Variants in POLE observed in about 807,000 individuals in gnomAD.
POLE encodes the protein DNA polymerase epsilon catalytic subunit A.
In POLE, 188 loss-of-function variants were observed where a neutral mutation model predicts 279.2. The observed-to-expected ratio is 0.67, with a 90% CI of 0.60 to 0.76. POLE has a LOEUF of 0.76. Ranked by LOEUF, POLE falls within the 30% of genes least tolerant of loss-of-function variation. POLE has a pLI of 0.00. For missense variants in POLE, 2,703 were observed against 3,016.7 expected, an observed-to-expected ratio of 0.90 and a Z score of 2.44; for synonymous variants, 1,214 against 1,172.5, an observed-to-expected ratio of 1.04 and a Z score of -0.72.
chr12:132,632,461 T>G lies in POLE; in HGVS notation c.6184A>C (p.Ser2062Arg). 1.2e-6 allele frequency: 2 copies of G among 1,614,154 alleles called. No individual in the cohort carries two copies. Among genetic ancestry groups the G allele is most frequent in the South Asian group, 1.1e-5 (1 of 91,072 alleles). Residue 2062 changes from serine (S) to arginine (R), a missense_variant, in exon 45 of 49, where the codon AGC becomes CGC. By Grantham distance (110) the Ser-to-Arg change is moderately radical. Coordinates refer to ENST00000320574, the MANE Select transcript of POLE (RefSeq NM_006231.4). ...QDYVANELTQ[S>R]FFTITQKIQK... Reference sequence around the variant, plus strand: ...ATCTTCTGAGTGATGGTGAAGAAGCTCTGAGTGAGCTCATTTGCGACATAA... The same window carrying G: ...ATCTTCTGAGTGATGGTGAAGAAGCGCTGAGTGAGCTCATTTGCGACATAA...
intron 12 of POLE, among the ~76,000 whole-genome samples, chr12:132,674,818 T>C (rs568342412): frequency 5.4e-4 from 81 of 150,858 alleles, no homozygotes; most frequent in Admixed American, 1.4e-3. Context: ...TCCATTCCCT[T>C]CCTTCCCTCC....
chr12:132,625,580 C>G (rs773560059), intron 47 of POLE, 65 bp downstream of exon 47: 1 of 1,591,426 alleles, frequency 6.3e-7, no homozygotes, highest in Non-Finnish European at 8.5e-7. Context: ...CCCCGGCTCC[C>G]GGGAGTGCAC....
chr12:132,661,211 G>A lies in POLE; in HGVS notation c.2865-47C>T, dbSNP rs762520107. ...AGCACAGCAGTGGCAAGGAGCGCTGGGGAGCCACCAGCTGTGCCTCATCCT... is the reference window on the plus strand; with the variant it reads ...AGCACAGCAGTGGCAAGGAGCGCTGAGGAGCCACCAGCTGTGCCTCATCCT... On this transcript the variant is annotated intron_variant, in intron 24 of 48. Transcript: ENST00000320574. The surrounding 1 kb of genome is among the most constrained non-coding windows in gnomAD (Gnocchi z 4.1). 1.3e-6 allele frequency: 2 copies of A among 1,513,262 alleles called. No individual in the cohort carries two copies. The highest frequency in any genetic ancestry group is 1.8e-6 in the Non-Finnish European group (2 of 1,123,238). The allele number at this position is 1,513,262 out of a possible 1,614,324, so 93.7% of individuals were successfully genotyped here.
chr12:132,643,936 G>C lies in POLE; in HGVS notation c.4191C>G (p.Leu1397=), dbSNP rs2138561264. 6.2e-7 allele frequency: 1 copy of C among 1,614,132 alleles called. No homozygotes were observed. The highest frequency in any genetic ancestry group is 8.5e-7 in the Non-Finnish European group (1 of 1,179,972). Residue 1397 remains leucine, a synonymous_variant, in exon 33 of 49, where the codon CTC becomes CTG. Coordinates refer to ENST00000320574, the MANE Select transcript of POLE (RefSeq NM_006231.4). ...TGTCCTCTGGCACTGAATACTCATA[G>C]AGATTGTAGACCATGTTGGAGCGAG... ...VLPRSNMVYN[L]YEYSVPEDMY... is the part of the protein sequence containing the mutation.
chr12:132,659,235 G>A (rs1049060937), intron 26 of POLE, 60 bp downstream of exon 26: 2 of 1,528,060 alleles, frequency 1.3e-6, no homozygotes, highest in Non-Finnish European at 1.8e-6. Flanking sequence ...GACGGAGGGA[G>A]CCCTCACCTG....
In POLE at chr12:132,677,544, C is replaced by T. The variant is rs528739648; in HGVS notation, c.720+34G>A. The T allele has an allele frequency of 5.6e-6, 9 of 1,613,386 alleles. No homozygotes were observed. The South Asian group carries it at 9.9e-5, about 18-fold the overall frequency. On this transcript the variant is annotated intron_variant, in intron 7 of 48. Coordinates refer to ENST00000320574, the MANE Select transcript of POLE (RefSeq NM_006231.4). ...ATCATCTCCTGGCTGTTAGGAAATT[C>T]ATGTGAGCAGCGACCCAACCCTGCC...
At chr12:132,677,949 A>C (rs1211077732) in intron 6 of POLE, among the ~76,000 whole-genome samples, 3 of 152,122 alleles carry the variant, frequency 2.0e-5, no homozygotes, top group African/African-American at 7.2e-5. Flanking sequence ...AGGCCAAGGA[A>C]GGCGGATCAC....
intron 16 of POLE, among the ~76,000 whole-genome samples, chr12:132,669,597 A>G (rs2042877943): frequency 6.6e-6 from 1 of 152,274 alleles, no homozygotes; most frequent in South Asian, 2.1e-4. Context: ...ATACCACAAC[A>G]GTAACACCTA....
At position 132,642,348 on chromosome 12, in the gene POLE, C is replaced by T. The variant is rs371348453; in HGVS notation, c.5002G>A (p.Gly1668Ser). ...TGGCGGGCAAAGAAGAGGTCGGAGCCGAATGTGGAGATGTCCTCTGGTAGG... is the reference window on the plus strand; with the variant it reads ...TGGCGGGCAAAGAAGAGGTCGGAGCTGAATGTGGAGATGTCCTCTGGTAGG... ...GNLPEDISTF[G>S]SDLFFARHLQ... The change falls in exon 38 of 49, where the codon GGC (glycine) becomes AGC (serine). Residue 1668 changes from glycine to serine, a missense_variant. Gly to Ser is a moderately conservative substitution (Grantham distance 56, BLOSUM62 0). This residue lies in a region of POLE where 1,551 missense variants were observed against 1,686.1 expected (regional missense o/e 0.92). Transcript: ENST00000320574. 1.7e-5 allele frequency: 27 copies of T among 1,589,256 alleles called. No homozygotes were observed. The highest frequency in any genetic ancestry group is 6.7e-5 in the East Asian group (3 of 44,626).
At chr12:132,663,038 C>T (rs955244250) in intron 23 of POLE, among the ~76,000 whole-genome samples, 2 of 152,234 alleles carry the variant, frequency 1.3e-5, no homozygotes, top group East Asian at 3.8e-4. Flanking sequence ...GTAACTGCTG[C>T]AGGTGCGGCC....
rs753367995 is a variant in POLE, at chr12:132,665,406, C to A, written c.2364G>T (p.Ala788=). The part of the protein sequence containing the change: ...KLSAAVEVGD[A]AEVKRCKNME... ...TGTTCTTGCAGCGCTTCACCTCAGCCGCGTCGCCCACCTCCACGGCCGCCG... is the reference window on the plus strand; with the variant it reads ...TGTTCTTGCAGCGCTTCACCTCAGCAGCGTCGCCCACCTCCACGGCCGCCG... Residue 788 remains alanine (A), a synonymous_variant, in exon 21 of 49, where the codon GCG becomes GCT. Coordinates refer to ENST00000320574, the MANE Select transcript of POLE (RefSeq NM_006231.4). The A allele has an allele frequency of 6.2e-7, 1 of 1,613,406 alleles. No homozygotes were observed. The highest frequency in any genetic ancestry group is 8.5e-7 in the Non-Finnish European group (1 of 1,180,000).
chr12:132,671,079 G>A (rs1213012281), intron 16 of POLE, among the ~76,000 whole-genome samples: 1 of 151,392 alleles, frequency 6.6e-6, no homozygotes, highest in Non-Finnish European at 1.5e-5. Flanking sequence ...CCTGGCCAAC[G>A]TGGTGAAACC....
In POLE at chr12:132,668,440, G is replaced by C. The variant is rs5744800; in HGVS notation, c.2089C>G (p.Pro697Ala). The C allele has an allele frequency of 2.0e-4, 324 of 1,612,764 alleles. No homozygotes were observed. The highest frequency in any genetic ancestry group is 6.6e-4 in the Middle Eastern group (4 of 6,054). ...QHQLESEKFP[P>A]LFPEGPARAF... Reference sequence around the variant, plus strand: ...CGAGCTGGCCCCTCTGGGAACAAGGGGGGGAACTTCTCTGACTCCAGCTGG... The same window carrying C: ...CGAGCTGGCCCCTCTGGGAACAAGGCGGGGAACTTCTCTGACTCCAGCTGG... Residue 697 changes from proline (P) to alanine (A), a missense_variant, in exon 19 of 49, where the codon CCC (proline) becomes GCC (alanine). Around this residue, in one of 5 missense-constraint regions of POLE, gnomAD observed 1,011 missense variants for 1,111.7 expected, o/e 0.91. Coordinates refer to ENST00000320574, the MANE Select transcript of POLE (RefSeq NM_006231.4). This position sits in a 1 kb window ranked among gnomAD's most constrained non-coding sequence, Gnocchi z 4.0.
chr12:132,639,070 A>C lies in POLE; in HGVS notation c.5552+55T>G, dbSNP rs2042088640. 1.3e-6 allele frequency: 2 copies of C among 1,515,158 alleles called. No homozygotes were observed. Among genetic ancestry groups the C allele is most frequent in the Non-Finnish European group, 1.8e-6 (2 of 1,093,666 alleles). The allele number at this position is 1,515,158 out of a possible 1,614,324, so 93.9% of individuals were successfully genotyped here. A position where few individuals can be genotyped will look rare whatever the true frequency, so the allele number is the denominator to read the frequency against. On this transcript the variant is annotated intron_variant, in intron 40 of 48. Transcript: ENST00000320574. This position sits in a 1 kb window ranked among gnomAD's most constrained non-coding sequence, Gnocchi z 4.7. The stretch of plus-strand genomic sequence containing the variant: ...GCCATGTCTCTGGTTCTGGGGAGTA[A>C]GGGACCAGCCCAGCTGAGGACGCGG...
chr12:132,685,277 T>C (rs1180721790), intron 1 of POLE, among the ~76,000 whole-genome samples: 1 of 149,968 alleles, frequency 6.7e-6, no homozygotes, highest in Non-Finnish European at 1.5e-5. Flanking sequence ...AGAGCTACCA[T>C]TGACTGGTTA....
At chr12:132,687,220 G>T (rs1158594758) in intron 1 of POLE, 34 bp downstream of exon 1, 3 of 1,418,482 alleles carry the variant, frequency 2.1e-6, no homozygotes, top group Non-Finnish European at 2.8e-6. Flanking sequence ...CCTCCGGAGG[G>T]CCGGCCCGAG....
rs2138474665 is a variant in POLE at position 132,634,297 on chromosome 12, C to T, written c.5893G>A (p.Glu1965Lys). The T allele has an allele frequency of 6.2e-7, 1 of 1,614,046 alleles. No individual in the cohort carries two copies. The highest frequency in any genetic ancestry group is 8.5e-7 in the Non-Finnish European group (1 of 1,179,892). ...DEEERDGEEE[E>K]EAEESNVEDL... is the part of the protein sequence containing the mutation. ...TCCACGTTGGATTCCTCCGCCTCTT[C>T]CTCCTCCTCCCCATCTCTTTCCTCC... The change falls in exon 43 of 49, where the codon GAA becomes AAA. Residue 1965 changes from glutamate to lysine, a missense_variant. Physicochemically the swap from Glu to Lys is moderately conservative, Grantham distance 56 (BLOSUM62 1). Coordinates refer to ENST00000320574, the MANE Select transcript of POLE (RefSeq NM_006231.4). The surrounding 1 kb of genome is among the most constrained non-coding windows in gnomAD (Gnocchi z 4.0).
chr12:132,663,842 C>G (rs2042729781), intron 23 of POLE, among the ~76,000 whole-genome samples, 162 bp downstream of exon 23: 1 of 151,842 alleles, frequency 6.6e-6, no homozygotes, highest in African/African-American at 2.4e-5. Context: ...GGAGTGGAAT[C>G]ACTTGATACC....
chr12:132,649,486 G>C lies in POLE; in HGVS notation c.3825C>G (p.His1275Gln), dbSNP rs2138609790. Reference sequence around the variant, plus strand: ...GGGCCTGCAGCTGCCACTTCTTCTTGTGGAACCGGAGCCAGACAAGCCATT... The same window carrying C: ...GGGCCTGCAGCTGCCACTTCTTCTTCTGGAACCGGAGCCAGACAAGCCATT... ...QEEWLVWLRF[H>Q]KKKWQLQARQ... The change falls in exon 31 of 49, where the codon CAC becomes CAG. Residue 1275 changes from histidine (H) to glutamine (Q), a missense_variant. By Grantham distance (24) the His-to-Gln change is conservative (BLOSUM62 0). Coordinates refer to ENST00000320574, the MANE Select transcript of POLE (RefSeq NM_006231.4). 1.2e-6 allele frequency: 2 copies of C among 1,612,424 alleles called. No homozygotes were observed. The highest frequency in any genetic ancestry group is 1.7e-6 in the Non-Finnish European group (2 of 1,180,006).
Sources: allele counts gnomAD v4.1 joint callset (sites outside exome capture counted in the v4.1 genomes callset), GRCh38; gene constraint gnomAD v4.1.1; regional missense constraint gnomAD v4.1.1; non-coding constraint Gnocchi (gnomAD v3.1); transcripts MANE v1.5; gene names NCBI Gene and HGNC (gene_info 2026-07-23, HGNC 2026-07-21).